ZMYM3: variants seen among roughly 807,000 people sequenced by gnomAD.
ZMYM3 encodes the protein zinc finger MYM-type containing 3.
A neutral mutation model predicts 94.2 loss-of-function variants in ZMYM3; 6 were observed. The observed-to-expected ratio is 0.06, with a 90% CI of 0.03 to 0.13. The LOEUF (loss-of-function observed/expected upper bound fraction) is 0.13. Ranked by LOEUF, ZMYM3 falls within the 10% of genes least tolerant of loss-of-function variation. ZMYM3 has a pLI of 1.00. For synonymous variants in ZMYM3, 420 were observed against 426.5 expected, an observed-to-expected ratio of 0.98 and a Z score of 0.19; for missense variants, 664 against 1,132.6, an observed-to-expected ratio of 0.59 and a Z score of 5.94.
At position 71,249,560 on chromosome X, in the gene ZMYM3, G is replaced by A. The variant is rs368334538; in HGVS notation, c.1371C>T (p.Tyr457=). The stretch of plus-strand genomic sequence containing the variant: ...CAGGACTCCCGGTCTTGGTGTAGAT[G>A]TAAGCCCCACACTGGTCACAACAGT... ...KTNCCDQCGA[Y]IYTKTGSPGP... The change falls in exon 7 of 25, where the codon TAC becomes TAT. Residue 457 remains tyrosine, a synonymous_variant. Coordinates refer to ENST00000314425, the MANE Select transcript of ZMYM3 (RefSeq NM_201599.3). 14 of 1,209,439 alleles carry A rather than the reference G, an allele frequency of 1.2e-5. No individual in the cohort carries two copies. The highest frequency in any genetic ancestry group is 1.3e-5 in the Non-Finnish European group (12 of 894,500).
At position 71,246,446 on chromosome X, in the gene ZMYM3, G is replaced by C. The variant is rs746126088; in HGVS notation, c.2479C>G (p.Pro827Ala). 1 of 974,633 alleles carries C rather than the reference G, an allele frequency of 1.0e-6. No individual in the cohort carries two copies. The highest frequency in any genetic ancestry group is 4.8e-5 in the East Asian group (1 of 20,785). 80.3% of individuals were successfully genotyped at this position (974,633 alleles called of 1,213,427 possible). ...CACATGGCAGCCTTGTTTTTGCGGG[G>C]TGTTGCTGGGGGTGGTGGGGGTGGA... ...TPPPPPPPATPRKNKAAMCKP... is the reference protein window; with the variant it reads ...TPPPPPPPATARKNKAAMCKP... The change falls in exon 15 of 25, where the codon CCC becomes GCC. Residue 827 changes from proline to alanine, a missense_variant. Coordinates refer to ENST00000314425, the MANE Select transcript of ZMYM3 (RefSeq NM_201599.3).
Position 71,243,606 on chromosome X carries a change from T to C in ZMYM3, c.3432+223A>G, listed in dbSNP as rs190203175. 5.5e-4 allele frequency: 225 copies of C among 405,497 alleles called. 2 individuals carry two copies. The East Asian group carries it at 8.5e-3, about 15-fold the overall frequency. 33.4% of individuals were successfully genotyped at this position (405,497 alleles called of 1,213,427 possible). Reference sequence around the variant, plus strand: ...GGAACAGGGAGTGCAACAGAATAACTGCTTTTTTTTTTCATTAAAAAAATA... The same window carrying C: ...GGAACAGGGAGTGCAACAGAATAACCGCTTTTTTTTTTCATTAAAAAAATA... On this transcript the variant is annotated intron_variant, in intron 21 of 24. Coordinates refer to ENST00000314425, the MANE Select transcript of ZMYM3 (RefSeq NM_201599.3).
In ZMYM3 at chrX:71,240,228, C is replaced by CTT. The variant is rs1352772459; in HGVS notation, c.*686_*687dup. The stretch of plus-strand genomic sequence containing the variant: ...GCACAACAGGAGTCTGCTCCCCGTA[C>CTT]TTAGTCATTCTCTGCCTCTGAGGAA... On this transcript the variant is annotated 3_prime_UTR_variant, in exon 25 of 25. Coordinates refer to ENST00000314425, the MANE Select transcript of ZMYM3 (RefSeq NM_201599.3). 1 of 111,647 alleles carries CTT rather than the reference C, an allele frequency of 9.0e-6. No individual in the cohort carries two copies. Among genetic ancestry groups the CTT allele is most frequent in the Non-Finnish European group, 1.9e-5 (1 of 53,018 alleles). The allele number at this position is 111,647 out of a possible 1,213,427, so 9.2% of individuals were successfully genotyped here.
chrX:71,241,452 A>G, intron 23 of ZMYM3, 108 bp from the exon 24 acceptor site: 4 of 568,375 alleles, frequency 7.0e-6, no homozygotes, highest in Non-Finnish European at 1.1e-5. Context: ...CACAAATTAC[A>G]GTCTCATCAA....
intron 6 of ZMYM3, 138 bp downstream of exon 6, chrX:71,249,888 T>G: frequency 9.7e-7 from 1 of 1,030,077 alleles, no homozygotes; most frequent in Non-Finnish European, 1.3e-6. Context: ...GCTCTGTCCT[T>G]GAATACGCTC....
At position 71,247,970 on chromosome X, in the gene ZMYM3, C is replaced by A. The variant is rs766839337; in HGVS notation, c.1976-64G>T. 1.7e-4 allele frequency: 190 copies of A among 1,121,536 alleles called. 1 individual carries two copies. The African/African-American group carries it at 2.6e-3, about 15-fold the overall frequency. The allele number at this position is 1,121,536 out of a possible 1,213,427, so 92.4% of individuals were successfully genotyped here. ...AGATACCCAAGGGCAAGAGACCCAA[C>A]CTTTTCAAGGTGCTATACCTGAAAC... is the stretch of plus-strand genomic sequence containing the variant. On this transcript the variant is annotated intron_variant, in intron 11 of 24. Coordinates refer to ENST00000314425, the MANE Select transcript of ZMYM3 (RefSeq NM_201599.3).
chrX:71,252,160 C>T (rs1359301673), intron 2 of ZMYM3, among the ~76,000 whole-genome samples: 1 of 110,856 alleles, frequency 9.0e-6, no homozygotes, highest in African/African-American at 3.3e-5. Context: ...CTGTTAGGGG[C>T]TCCAGAACCT....
intron 15 of ZMYM3, 36 bp from the exon 16 acceptor site, chrX:71,246,134 C>A: frequency 8.6e-7 from 1 of 1,161,725 alleles, no homozygotes; most frequent in Non-Finnish European, 1.2e-6. Context: ...AGAGACCCTG[C>A]TGGACTGGTC....
chrX:71,240,789 G>T lies in ZMYM3; in HGVS notation c.*127C>A. 1.4e-6 allele frequency: 1 copy of T among 689,706 alleles called. No homozygotes were observed. The highest frequency in any genetic ancestry group is 3.1e-5 in the South Asian group (1 of 32,412). 56.8% of individuals were successfully genotyped at this position (689,706 alleles called of 1,213,427 possible). A position where few individuals can be genotyped will look rare whatever the true frequency, so the allele number is the denominator to read the frequency against. ...GGGTTCCTAGAGAAGGCAGGGAATG[G>T]GTGAGCGGAAAGGAGCAGTCAGGGC... On this transcript the variant is annotated 3_prime_UTR_variant, in exon 25 of 25. Transcript: ENST00000314425.
At chrX:71,249,895 G>T (rs2030371340) in intron 6 of ZMYM3, 131 bp downstream of exon 6, 31 of 1,027,207 alleles carry the variant, frequency 3.0e-5, no homozygotes, top group Non-Finnish European at 4.0e-5. Flanking sequence ...CCTTGAATAC[G>T]CTCCCTCATG....
rs1462826651 is a variant in ZMYM3, at chrX:71,247,735, T to C, written c.2147A>G (p.Lys716Arg). The C allele has an allele frequency of 8.3e-7, 1 of 1,208,978 alleles. No homozygotes were observed. The highest frequency in any genetic ancestry group is 2.2e-5 in the Admixed American group (1 of 45,798). ...CKSKYLLWYCKAARCHACKRQ... is the reference protein window; with the variant it reads ...CKSKYLLWYCRAARCHACKRQ... ...CGCTCGCATGCTGACCCTCCTTACC[T>C]TGCAGTACCACAGCAGGTACTTGCT... is the stretch of plus-strand genomic sequence containing the variant. Residue 716 changes from lysine (K) to arginine (R), a missense_variant and splice_region_variant, in exon 12 of 25, where the codon AAG (lysine) becomes AGG (arginine). Lys to Arg is a conservative substitution (Grantham distance 26). Transcript: ENST00000314425.
In ZMYM3 at chrX:71,246,506, C is replaced by T. The variant is rs754490879; in HGVS notation, c.2419G>A (p.Val807Met). 5.1e-6 allele frequency: 6 copies of T among 1,171,494 alleles called. No homozygotes were observed. Among genetic ancestry groups the T allele is most frequent in the Non-Finnish European group, 5.7e-6 (5 of 875,094 alleles). The change falls in exon 15 of 25, where the codon GTG becomes ATG. Residue 807 changes from valine (V) to methionine (M), a missense_variant. Around this residue, in one of 9 missense-constraint regions of ZMYM3, gnomAD observed 57 missense variants for 52.0 expected, o/e 1.10. Transcript: ENST00000314425. ...EENGNLGKIP[V>M]KTRSAPTAPT... ...GCAGTGGGAGCTGATCGGGTCTTCACAGGGATCTGCAAAGACAGAGGAACA... is the reference window on the plus strand; with the variant it reads ...GCAGTGGGAGCTGATCGGGTCTTCATAGGGATCTGCAAAGACAGAGGAACA...
intron 5 of ZMYM3, 23 bp downstream of exon 5, chrX:71,250,409 T>G: frequency 8.4e-7 from 1 of 1,186,856 alleles, no homozygotes; most frequent in Non-Finnish European, 1.1e-6. Context: ...GCCCTCTGCA[T>G]AGCCCCCAAG....
At chrX:71,245,898 G>A (rs1239162644) in intron 16 of ZMYM3, 56 bp from the exon 17 acceptor site, 3 of 1,188,103 alleles carry the variant, frequency 2.5e-6, no homozygotes, top group Non-Finnish European at 3.4e-6. Context: ...TTGGGGGGAA[G>A]TTGGGGGGAC....
At chrX:71,251,785 G>A (rs2030490576) in intron 2 of ZMYM3, 184 bp from the exon 3 acceptor site, 9 of 752,642 alleles carry the variant, frequency 1.2e-5, no homozygotes, top group East Asian at 1.5e-4. Context: ...GGGTGGGGGG[G>A]TGCACGTGCA....
intron 2 of ZMYM3, 192 bp from the exon 3 acceptor site, chrX:71,251,793 G>A (rs2030491664): frequency 4.0e-6 from 3 of 749,756 alleles, no homozygotes; most frequent in Non-Finnish European, 4.7e-6. Context: ...GGGTGCACGT[G>A]CAGCTATTCC....
rs749947169 is a variant in ZMYM3, at chrX:71,249,575, G to C, written c.1356C>G (p.Asp452Glu). The C allele has an allele frequency of 6.6e-6, 8 of 1,208,719 alleles. No individual in the cohort carries two copies. The African/African-American group carries it at 1.2e-4, about 19-fold the overall frequency. The change falls in exon 7 of 25, where the codon GAC (aspartate) becomes GAG (glutamate). Residue 452 changes from aspartate (D) to glutamate (E), a missense_variant. By Grantham distance (45) the Asp-to-Glu change is conservative. Around this residue, in one of 9 missense-constraint regions of ZMYM3, gnomAD observed 159 missense variants for 313.0 expected, o/e 0.51. Coordinates refer to ENST00000314425, the MANE Select transcript of ZMYM3 (RefSeq NM_201599.3). ...TGGTGTAGATGTAAGCCCCACACTGGTCACAACAGTTGGTTTTCAGTCCCT... is the reference window on the plus strand; with the variant it reads ...TGGTGTAGATGTAAGCCCCACACTGCTCACAACAGTTGGTTTTCAGTCCCT... ...ANKGLKTNCC[D>E]QCGAYIYTKT... is the part of the protein sequence containing the mutation.
chrX:71,250,525 C>A lies in ZMYM3; in HGVS notation c.980G>T (p.Arg327Leu). 3 of 1,211,263 alleles carry A rather than the reference C, an allele frequency of 2.5e-6. No individual in the cohort carries two copies. Among genetic ancestry groups the A allele is most frequent in the Non-Finnish European group, 2.2e-6 (2 of 895,178 alleles). ...PLQKGQTAYQ[R>L]KGLPQLFCSS... is the part of the protein sequence containing the mutation. The stretch of plus-strand genomic sequence containing the variant: ...GCAGAAGAGCTGAGGCAGCCCCTTG[C>A]GCTGATAGGCAGTCTGCCCCTTCTG... Residue 327 changes from arginine to leucine, a missense_variant, in exon 5 of 25, where the codon CGC becomes CTC. Physicochemically the swap from Arg to Leu is moderately radical, Grantham distance 102 (BLOSUM62 -2). This residue lies in a region of ZMYM3 where 45 missense variants were observed against 92.9 expected (regional missense o/e 0.48). Transcript: ENST00000314425.
intron 3 of ZMYM3, 69 bp downstream of exon 3, chrX:71,251,489 G>A: frequency 8.9e-7 from 1 of 1,129,418 alleles, no homozygotes; most frequent in Non-Finnish European, 1.2e-6. Flanking sequence ...ATCTGGGAGG[G>A]AAAATGAAGG....
Sources: gnomAD v4.1 joint callset for allele counts (sites outside exome capture counted in the v4.1 genomes callset) on GRCh38, gnomAD v4.1.1 for gene constraint, gnomAD v4.1.1 regional missense constraint, MANE v1.5 for transcripts, NCBI Gene and HGNC (gene_info 2026-07-23, HGNC 2026-07-21) for gene names.